Variants in KCNJ15 observed in about 807,000 individuals in gnomAD.
KCNJ15 encodes the protein ATP-sensitive inward rectifier potassium channel 15.
KCNJ15 carries 14 observed loss-of-function variants against 23.0 expected under a neutral mutation model. The ratio of observed to expected loss-of-function variants is 0.61; its 90% CI spans 0.40 to 0.95. The LOEUF (loss-of-function observed/expected upper bound fraction) is 0.95, where lower values mean the gene tolerates loss of function less well. Ranked by LOEUF, KCNJ15 falls within the 40% of genes least tolerant of loss-of-function variation. The pLI, the probability that KCNJ15 is intolerant of heterozygous loss-of-function variation, is 0.00. For missense variants in KCNJ15, 388 were observed against 461.8 expected (o/e 0.84, Z 1.46); for synonymous variants, 185 against 183.2 (o/e 1.01, Z -0.08).
At chr21:38,260,178 TGAAAGAAAAAAATGAGGGG>T (rs892392002) in intron 1 of KCNJ15, among the ~76,000 whole-genome samples, 5 of 62,716 alleles carry the variant, frequency 8.0e-5, no homozygotes, top group Non-Finnish European at 1.7e-4. Context: ...TCTGTTGAAA[TGAAAGAAAAAAATGAGGGG>T]GTAGATATTT....
At chr21:38,241,528 C>T (rs1347395215) in intron 1 of KCNJ15, among the ~76,000 whole-genome samples, 1 of 152,188 alleles carries the variant, frequency 6.6e-6, no homozygotes, top group Non-Finnish European at 1.5e-5. Flanking sequence ...AGATCCAGGT[C>T]CTCTGCTACC....
At position 38,274,616 on chromosome 21, in the gene KCNJ15, C is replaced by T. The variant is rs1982461013; in HGVS notation, c.-117+17431C>T. 3.3e-5 allele frequency among the ~76,000 whole-genome samples: 5 copies of T among 152,134 alleles called. No individual in the cohort carries two copies. In the South Asian group the frequency reaches 8.3e-4, roughly 25 times the overall value. ...AAATATATCCTTTCATCTTTCCTTCCTATCTTAGGGAAACAAATGTCCCTT... is the reference window on the plus strand; with the variant it reads ...AAATATATCCTTTCATCTTTCCTTCTTATCTTAGGGAAACAAATGTCCCTT... On this transcript the variant is annotated intron_variant, in intron 1 of 2. Coordinates refer to ENST00000398938, the MANE Select transcript of KCNJ15 (RefSeq NM_170736.3).
intron 1 of KCNJ15, among the ~76,000 whole-genome samples, chr21:38,288,559 A>G (rs935072600): frequency 6.6e-6 from 1 of 152,158 alleles, no homozygotes; most frequent in African/African-American, 2.4e-5. Flanking sequence ...CCAGAAAACA[A>G]GCCAGCCTGA....
chr21:38,282,903 A>T (rs918925848), intron 1 of KCNJ15, among the ~76,000 whole-genome samples: 4 of 152,178 alleles, frequency 2.6e-5, no homozygotes, highest in African/African-American at 7.2e-5. Context: ...CGCTACCTGC[A>T]TGCTGGAGGA....
intron 1 of KCNJ15, among the ~76,000 whole-genome samples, chr21:38,288,057 T>TTTTTTTTTTTTTTTTTTTTTTC (rs1243171160): frequency 7.4e-6 from 1 of 134,248 alleles, no homozygotes; most frequent in African/African-American, 2.8e-5. Context: ...TTTTTTTTTT[T>TTTTTTTTTTTTTTTTTTTTTTC]TGAGATGGAG....
chr21:38,251,472 A>G (rs1338162558), intron 1 of KCNJ15, among the ~76,000 whole-genome samples: 1 of 152,248 alleles, frequency 6.6e-6, no homozygotes, highest in African/African-American at 2.4e-5. Context: ...AACTAACTCC[A>G]GTAGAAGTTT....
Position 38,304,660 on chromosome 21 carries a change from A to ATATTTTT in KCNJ15, c.*4272_*4273insATTTTTT. Reference sequence around the variant, plus strand: ...CTTTACCCTTTGTAAACTTCAATTTATCTTTTTTTTTTTTTTTTTTTTTTT... The same window carrying ATATTTTT: ...CTTTACCCTTTGTAAACTTCAATTTATATTTTTTCTTTTTTTTTTTTTTTTTTTTTTT... On this transcript the variant is annotated 3_prime_UTR_variant, in exon 3 of 3. Coordinates refer to ENST00000398938, the MANE Select transcript of KCNJ15 (RefSeq NM_170736.3). 2.4e-5 allele frequency: 1 copy of ATATTTTT among 41,118 alleles called. No homozygotes were observed. Among genetic ancestry groups the ATATTTTT allele is most frequent in the East Asian group, 7.3e-4 (1 of 1,378 alleles). 2.5% of individuals were successfully genotyped at this position (41,118 alleles called of 1,614,324 possible).
At chr21:38,263,790 G>A (rs1235212539) in intron 1 of KCNJ15, among the ~76,000 whole-genome samples, 2 of 152,112 alleles carry the variant, frequency 1.3e-5, no homozygotes, top group East Asian at 3.8e-4. Flanking sequence ...CCAGCCTTCG[G>A]GATTGCGAAG....
At chr21:38,231,664 T>G (rs796103315) in intron 1 of KCNJ15, among the ~76,000 whole-genome samples, 1 of 151,520 alleles carries the variant, frequency 6.6e-6, no homozygotes, top group Non-Finnish European at 1.5e-5. Flanking sequence ...GTTTTTTTTT[T>G]ATCATAAATG....
rs922756728 is a variant in KCNJ15 at position 38,303,368 on chromosome 21, G to T, written c.*2979G>T. 1.3e-5 allele frequency: 2 copies of T among 151,950 alleles called. No homozygotes were observed. Among genetic ancestry groups the T allele is most frequent in the Non-Finnish European group, 2.9e-5 (2 of 67,992 alleles). 9.4% of individuals were successfully genotyped at this position (151,950 alleles called of 1,614,324 possible). ...TTCTAATGTGTTAGGTTTTCTCAAT[G>T]AGACCATTAAAAAACGTTGTGTTCC... On this transcript the variant is annotated 3_prime_UTR_variant, in exon 3 of 3. Transcript: ENST00000398938.
rs1392877842 is a variant in KCNJ15, at chr21:38,302,904, ATATCT to A, written c.*2519_*2523del. The A allele has an allele frequency of 3.9e-5, 6 of 152,210 alleles. No individual in the cohort carries two copies. The highest frequency in any genetic ancestry group is 1.2e-4 in the African/African-American group (5 of 41,452). 9.4% of individuals were successfully genotyped at this position (152,210 alleles called of 1,614,324 possible). A position where few individuals can be genotyped will look rare whatever the true frequency, so the allele number is the denominator to read the frequency against. On this transcript the variant is annotated 3_prime_UTR_variant, in exon 3 of 3. Coordinates refer to ENST00000398938, the MANE Select transcript of KCNJ15 (RefSeq NM_170736.3). ...TTGCAGCAGAAATATCACCTTAAAAATATCTTATTTTATATTTAGATAATATTGAA... is the reference window on the plus strand; with the variant it reads ...TTGCAGCAGAAATATCACCTTAAAAATATTTTATATTTAGATAATATTGAA...
intron 1 of KCNJ15, among the ~76,000 whole-genome samples, chr21:38,288,014 A>T (rs1355377503): frequency 7.8e-5 from 6 of 76,738 alleles, no homozygotes; most frequent in Non-Finnish European, 1.6e-4. Flanking sequence ...TTGTTAAATA[A>T]CTTGTTTTTT....
intron 1 of KCNJ15, among the ~76,000 whole-genome samples, chr21:38,260,253 CT>C (rs1282052750): frequency 1.4e-4 from 21 of 152,172 alleles, no homozygotes; most frequent in African/African-American, 5.1e-4. Flanking sequence ...CAGGTGTAGC[CT>C]CTGGAACACG....
chr21:38,257,759 G>GT (rs2035214743), intron 1 of KCNJ15, among the ~76,000 whole-genome samples: 1 of 152,154 alleles, frequency 6.6e-6, no homozygotes, highest in African/African-American at 2.4e-5. Context: ...TGATTAATAT[G>GT]TTTTTTAATC....
chr21:38,304,368 G>C lies in KCNJ15; in HGVS notation c.*3979G>C, dbSNP rs1465192811. 6.7e-6 allele frequency: 1 copy of C among 150,062 alleles called. No homozygotes were observed. Among genetic ancestry groups the C allele is most frequent in the Non-Finnish European group, 1.5e-5 (1 of 67,794 alleles). 9.3% of individuals were successfully genotyped at this position (150,062 alleles called of 1,614,324 possible). ...ATGCGGTGTTTGGTTTTCTGTCCTT[G>C]AGATAGTTTGCTGAGAATGATGGTT... On this transcript the variant is annotated 3_prime_UTR_variant, in exon 3 of 3. Coordinates refer to ENST00000398938, the MANE Select transcript of KCNJ15 (RefSeq NM_170736.3).
chr21:38,263,708 A>G (rs1030344850), intron 1 of KCNJ15, among the ~76,000 whole-genome samples: 9 of 152,114 alleles, frequency 5.9e-5, no homozygotes, highest in African/African-American at 2.2e-4. Flanking sequence ...TCCAAAGAAC[A>G]TGTGTGATGT....
chr21:38,243,323 T>G (rs1321331629), intron 1 of KCNJ15, among the ~76,000 whole-genome samples: 6 of 152,178 alleles, frequency 3.9e-5, no homozygotes, highest in Admixed American at 1.3e-4. Flanking sequence ...TTTTGTTTTT[T>G]CCCCAGAAAG....
At chr21:38,238,765 G>A in intron 1 of KCNJ15, 1 of 354,212 alleles carries the variant, frequency 2.8e-6, no homozygotes, top group South Asian at 3.0e-5. Context: ...GGGGAGAAGA[G>A]TCAGAATGAT....
chr21:38,255,665 GA>G (rs983515517), upstream of KCNJ15, among the ~76,000 whole-genome samples: 4 of 152,172 alleles, frequency 2.6e-5, no homozygotes, highest in African/African-American at 9.7e-5. Flanking sequence ...TCAGCAGGGA[GA>G]GGGGGGAGAA....
Sources: allele counts gnomAD v4.1 joint callset (sites outside exome capture counted in the v4.1 genomes callset), GRCh38; gene constraint gnomAD v4.1.1; transcripts MANE v1.5; gene names NCBI Gene and HGNC (gene_info 2026-07-23, HGNC 2026-07-21).